Variants in EYS observed in about 807,000 individuals in gnomAD.
EYS encodes the protein EGF-like photoreceptor maintenance factor.
A neutral mutation model predicts 282.1 loss-of-function variants in EYS; 250 were observed. The observed-to-expected ratio is 0.89, with a 90% CI of 0.80 to 0.98. The LOEUF (loss-of-function observed/expected upper bound fraction) is 0.98, where lower values mean the gene tolerates loss of function less well. Ranked by LOEUF, EYS falls within the 50% of genes least tolerant of loss-of-function variation. The pLI is 0.00. For synonymous variants in EYS, 1,355 were observed against 1,282.9 expected, an observed-to-expected ratio of 1.06 and a Z score of -1.20; for missense variants, 4,016 against 3,709.0, an observed-to-expected ratio of 1.08 and a Z score of -2.15.
chr6:63,940,043 T>C (rs1765186635), intron 35 of EYS, among the ~76,000 whole-genome samples: 1 of 152,238 alleles, frequency 6.6e-6, no homozygotes, highest in African/African-American at 2.4e-5. Context: ...CATTGCTGCA[T>C]GAGCAGTTCA....
intron 36 of EYS, among the ~76,000 whole-genome samples, chr6:63,845,580 C>T (rs1202020217): frequency 6.6e-6 from 1 of 152,080 alleles, no homozygotes; most frequent in Non-Finnish European, 1.5e-5. Flanking sequence ...GTGAGTAACA[C>T]TTCTTTTCAA....
chr6:64,540,044 C>G (rs775973679), intron 26 of EYS, among the ~76,000 whole-genome samples: 3 of 152,330 alleles, frequency 2.0e-5, no homozygotes, highest in Non-Finnish European at 4.4e-5. Context: ...TGCTACATAT[C>G]AAAGAGCCTG....
intron 15 of EYS, among the ~76,000 whole-genome samples, chr6:64,914,385 A>G (rs1768099551): frequency 1.3e-5 from 2 of 152,190 alleles, no homozygotes. Context: ...TTATTTTCAA[A>G]AAGTGTATTT....
At chr6:65,286,547 C>T (rs777808245) in intron 12 of EYS, among the ~76,000 whole-genome samples, 4 of 151,716 alleles carry the variant, frequency 2.6e-5, no homozygotes, top group Non-Finnish European at 5.9e-5. Context: ...CAAAATTTAA[C>T]ATGTGATGTC....
chr6:64,806,669 C>T (rs1357978819), intron 22 of EYS, among the ~76,000 whole-genome samples: 1 of 151,406 alleles, frequency 6.6e-6, no homozygotes, highest in African/African-American at 2.4e-5. Flanking sequence ...GAATATGAAA[C>T]ACTTCAAAAA....
chr6:65,382,465 G>GTGTGTGTGTC (rs1554190281), intron 8 of EYS, among the ~76,000 whole-genome samples: 2 of 134,972 alleles, frequency 1.5e-5, no homozygotes, highest in African/African-American at 3.0e-5. Flanking sequence ...CTCTGTGTGT[G>GTGTGTGTGTC]TGTGTGTGTG....
intron 22 of EYS, among the ~76,000 whole-genome samples, chr6:64,726,265 G>GATGAATGT (rs1771752767): frequency 6.6e-6 from 1 of 152,094 alleles, no homozygotes; most frequent in Admixed American, 6.6e-5. Flanking sequence ...TATGATGTGT[G>GATGAATGT]ATGAATGTCT....
At chr6:65,163,016 C>A (rs141654006) in intron 12 of EYS, among the ~76,000 whole-genome samples, 71 of 151,050 alleles carry the variant, frequency 4.7e-4, no homozygotes, top group East Asian at 3.7e-3. Flanking sequence ...GAAATCTAAT[C>A]CCTTCAGTAC....
chr6:64,023,298 T>C (rs1769280212), intron 33 of EYS, among the ~76,000 whole-genome samples: 1 of 152,278 alleles, frequency 6.6e-6, no homozygotes, highest in African/African-American at 2.4e-5. Flanking sequence ...ACAATTCTGC[T>C]ATGAACATTG....
intron 12 of EYS, among the ~76,000 whole-genome samples, chr6:65,111,771 C>G (rs1368244214): frequency 5.3e-5 from 8 of 152,126 alleles, no homozygotes; most frequent in Admixed American, 5.2e-4. Context: ...CATTTGAACC[C>G]AGGAGGTGGA....
intron 12 of EYS, among the ~76,000 whole-genome samples, chr6:65,249,305 C>A (rs1309193091): frequency 6.6e-6 from 1 of 151,842 alleles, no homozygotes; most frequent in Non-Finnish European, 1.5e-5. Context: ...TCAGAACTTA[C>A]ACACTGTGTT....
chr6:65,207,490 G>C (rs12195764), intron 12 of EYS, among the ~76,000 whole-genome samples: 6,459 of 151,778 alleles, frequency 0.043, 188 homozygotes, highest in Middle Eastern at 0.065. Flanking sequence ...TTCCTATCAA[G>C]TAGCAATGTC....
chr6:64,653,847 G>A (rs1277030741), intron 22 of EYS, among the ~76,000 whole-genome samples: 1 of 151,734 alleles, frequency 6.6e-6, no homozygotes, highest in East Asian at 1.9e-4. Flanking sequence ...TGACAGGAAT[G>A]AGCCACCACA....
chr6:64,894,024 C>G (rs1024751411), intron 18 of EYS, among the ~76,000 whole-genome samples: 2 of 152,002 alleles, frequency 1.3e-5, no homozygotes, highest in Admixed American at 1.3e-4. Flanking sequence ...TGTTTTAATA[C>G]TTCACTAAAT....
intron 29 of EYS, among the ~76,000 whole-genome samples, chr6:64,361,573 G>C (rs1236047351): frequency 1.3e-5 from 2 of 151,706 alleles, no homozygotes; most frequent in Non-Finnish European, 2.9e-5. Context: ...TTGTATTGTT[G>C]CTGTAATAAA....
At chr6:65,012,872 C>A (rs112866430) in intron 13 of EYS, among the ~76,000 whole-genome samples, 10,677 of 24,924 alleles carry the variant, frequency 0.43, 445 homozygotes, top group South Asian at 0.49. Context: ...AAATTTCCTT[C>A]AATAAAAAAA....
At chr6:64,686,114 CA>C (rs1351044276) in intron 22 of EYS, among the ~76,000 whole-genome samples, 3 of 144,616 alleles carry the variant, frequency 2.1e-5, no homozygotes, top group Non-Finnish European at 4.6e-5. Context: ...TAAAAAAAAA[CA>C]GGAAACTGTT....
intron 8 of EYS, among the ~76,000 whole-genome samples, chr6:65,375,620 A>G (rs1422828349): frequency 2.0e-5 from 3 of 152,062 alleles, no homozygotes; most frequent in Non-Finnish European, 2.9e-5. Flanking sequence ...CAAGGAAGCT[A>G]AGAACCTTGA....
intron 35 of EYS, among the ~76,000 whole-genome samples, chr6:63,904,584 T>C (rs1773731828): frequency 6.6e-6 from 1 of 152,174 alleles, no homozygotes; most frequent in Admixed American, 6.5e-5. Context: ...AAATCACCTC[T>C]GGGAAGATGA....
Sources: allele counts gnomAD v4.1 joint callset (sites outside exome capture counted in the v4.1 genomes callset), GRCh38; gene constraint gnomAD v4.1.1; transcripts MANE v1.5; gene names NCBI Gene and HGNC (gene_info 2026-07-23, HGNC 2026-07-21).